EPS15L1: variants seen among roughly 807,000 people sequenced by gnomAD.
EPS15L1 encodes epidermal growth factor receptor substrate 15-like 1.
EPS15L1 carries 43 observed loss-of-function variants against 117.1 expected under a neutral mutation model. The ratio of observed to expected loss-of-function variants is 0.37; its 90% CI spans 0.29 to 0.47. The LOEUF (loss-of-function observed/expected upper bound fraction) is 0.47. Among genes scored for constraint, EPS15L1 ranks in the 20% least tolerant of loss-of-function variants. The probability of loss-of-function intolerance (pLI) is 0.99; values close to 1 mark genes in which losing one functional copy is unlikely to be tolerated. For missense variants in EPS15L1, 981 were observed against 1,164.0 expected, an observed-to-expected ratio of 0.84 and a Z score of 2.29; for synonymous variants, 459 against 470.5, an observed-to-expected ratio of 0.98 and a Z score of 0.32.
intron 22 of EPS15L1, among the ~76,000 whole-genome samples, chr19:16,372,297 G>A (rs1255975143): frequency 6.6e-6 from 1 of 152,098 alleles, no homozygotes; most frequent in Non-Finnish European, 1.5e-5. Flanking sequence ...CTGTCTGCCC[G>A]TGCACCCACA....
intron 1 of EPS15L1, among the ~76,000 whole-genome samples, chr19:16,466,714 G>T (rs1568475479): frequency 6.6e-6 from 1 of 151,988 alleles, no homozygotes; most frequent in Non-Finnish European, 1.5e-5. Context: ...ACCAGCCTAG[G>T]CAACATAGTG....
chr19:16,401,218 C>T, intron 16 of EPS15L1: 1 of 985,502 alleles, frequency 1.0e-6, no homozygotes, highest in Non-Finnish European at 1.2e-6. Flanking sequence ...GGGGGCCAGA[C>T]ACAAGAGACA....
intron 19 of EPS15L1, among the ~76,000 whole-genome samples, chr19:16,391,954 T>G (rs534388263): frequency 1.3e-5 from 2 of 151,924 alleles, no homozygotes; most frequent in Non-Finnish European, 2.9e-5. Context: ...TAGTCTTTTT[T>G]GGGAGATGAA....
intron 1 of EPS15L1, among the ~76,000 whole-genome samples, chr19:16,452,229 T>A (rs1386094194): frequency 6.6e-6 from 1 of 151,440 alleles, no homozygotes; most frequent in Admixed American, 6.6e-5. Context: ...GTAGATCACC[T>A]GAGGTCAGGA....
chr19:16,388,287 A>T (rs1401946598), intron 19 of EPS15L1, among the ~76,000 whole-genome samples: 2 of 152,066 alleles, frequency 1.3e-5, no homozygotes, highest in Non-Finnish European at 2.9e-5. Context: ...TGATCCGCCC[A>T]CCTCAGCCTC....
rs888348255 is a variant in EPS15L1 at position 16,448,551 on chromosome 19, G to C, written c.34-6332C>G. Among the ~76,000 whole-genome samples, 65 of 148,790 alleles carry C rather than the reference G, an allele frequency of 4.4e-4. 1 individual carries two copies. The highest frequency in any genetic ancestry group is 2.9e-3 in the Admixed American group (44 of 14,928). ...AAAATTCCGTATTAAAAAAAAAGGG[G>C]GGGGGAGAAAGGCCGGGCGCGGTGG... On this transcript the variant is annotated intron_variant, in intron 1 of 23. Transcript: ENST00000455140.
chr19:16,443,158 T>G (rs1288607423), intron 1 of EPS15L1, among the ~76,000 whole-genome samples: 1 of 152,154 alleles, frequency 6.6e-6, no homozygotes, highest in Non-Finnish European at 1.5e-5. Context: ...AAGTGAAGAA[T>G]GCACAATGAC....
rs141558471 is a variant in EPS15L1 at position 16,359,468 on chromosome 19, G to A, written c.2586+2311C>T. On this transcript the variant is annotated intron_variant, in intron 23 of 23. Transcript: ENST00000455140. The stretch of plus-strand genomic sequence containing the variant: ...ACAAACAAAAACAATTAAGGGTCCT[G>A]TCTTCACTCAACCCATCCCTTCAGA... 1.8e-4 allele frequency among the ~76,000 whole-genome samples: 27 copies of A among 152,302 alleles called. 1 individual carries two copies. The East Asian group carries it at 5.0e-3, about 28-fold the overall frequency.
rs1201829517 is a variant in EPS15L1, at chr19:16,385,339, C to A, written c.2165-128G>T. 6.6e-6 allele frequency: 5 copies of A among 759,562 alleles called. No homozygotes were observed. In the African/African-American group the frequency reaches 8.6e-5, roughly 13 times the overall value. 47.1% of individuals were successfully genotyped at this position (759,562 alleles called of 1,614,324 possible). A position where few individuals can be genotyped will look rare whatever the true frequency, so the allele number is the denominator to read the frequency against. On this transcript the variant is annotated intron_variant, in intron 20 of 23. Transcript: ENST00000455140. Reference sequence around the variant, plus strand: ...GAAGGCTGCATTTATTCATTAGACACGTGTGTCTGCATGAAGGCCTCTCAG... The same window carrying A: ...GAAGGCTGCATTTATTCATTAGACAAGTGTGTCTGCATGAAGGCCTCTCAG...
intron 13 of EPS15L1, chr19:16,413,421 G>C: frequency 1.4e-6 from 1 of 731,374 alleles, no homozygotes; most frequent in Non-Finnish European, 2.4e-6. Flanking sequence ...CACCTTTGAT[G>C]CCATCTCTAA....
At chr19:16,462,248 A>ATC (rs1415778903) in intron 1 of EPS15L1, among the ~76,000 whole-genome samples, 1 of 151,930 alleles carries the variant, frequency 6.6e-6, no homozygotes, top group African/African-American at 2.4e-5. Flanking sequence ...TGTGCCCCAA[A>ATC]TCTCTCCCCA....
chr19:16,441,028 G>A lies in EPS15L1; in HGVS notation c.166-119C>T, dbSNP rs1037716421. 4.1e-6 allele frequency: 4 copies of A among 968,810 alleles called. No individual in the cohort carries two copies. In the African/African-American group the frequency reaches 6.4e-5, roughly 16 times the overall value. The allele number at this position is 968,810 out of a possible 1,614,324, so 60.0% of individuals were successfully genotyped here. A position where few individuals can be genotyped will look rare whatever the true frequency, so the allele number is the denominator to read the frequency against. On this transcript the variant is annotated intron_variant, in intron 3 of 23. Coordinates refer to ENST00000455140, the MANE Select transcript of EPS15L1 (RefSeq NM_001258374.3). ...TGCGGGGCAGGAGTGACTGTCCCCA[G>A]GTTGTCCTGCAGATGAAGAAGCCAA... is the stretch of plus-strand genomic sequence containing the variant.
At chr19:16,379,723 A>G (rs752391253) in intron 21 of EPS15L1, among the ~76,000 whole-genome samples, 58 of 152,234 alleles carry the variant, frequency 3.8e-4, no homozygotes, top group Non-Finnish European at 7.2e-4. Flanking sequence ...CTAAGGCTCC[A>G]GCGTCTAGTC....
Position 16,404,930 on chromosome 19 carries a change from C to T in EPS15L1, c.1267-181G>A, listed in dbSNP as rs1315175146. 1.3e-5 allele frequency among the ~76,000 whole-genome samples: 2 copies of T among 152,204 alleles called. No homozygotes were observed. The highest frequency in any genetic ancestry group is 2.4e-5 in the African/African-American group (1 of 41,446). ...ATGTGTGCCTCTTGGGCTGGAGGCC[C>T]AGGGCCACTGTCTCACCAGCTCCCT... On this transcript the variant is annotated intron_variant, in intron 13 of 23. Transcript: ENST00000455140. This position sits in a 1 kb window ranked among gnomAD's most constrained non-coding sequence, Gnocchi z 4.2.
In EPS15L1 at chr19:16,405,915, C is replaced by G. The variant is rs1281651067; in HGVS notation, c.1267-1166G>C. On this transcript the variant is annotated intron_variant, in intron 13 of 23. Transcript: ENST00000455140. This position sits in a 1 kb window ranked among gnomAD's most constrained non-coding sequence, Gnocchi z 4.0. ...GGGCATTGTGACAAGCCTCCTCCCTCCAGCTGCCATGTGGAGCGTGGTGCA... is the reference window on the plus strand; with the variant it reads ...GGGCATTGTGACAAGCCTCCTCCCTGCAGCTGCCATGTGGAGCGTGGTGCA... 1.3e-5 allele frequency among the ~76,000 whole-genome samples: 2 copies of G among 152,252 alleles called. No individual in the cohort carries two copies. The highest frequency in any genetic ancestry group is 4.8e-5 in the African/African-American group (2 of 41,464).
chr19:16,401,624 A>C, intron 16 of EPS15L1: 2 of 985,432 alleles, frequency 2.0e-6, no homozygotes, highest in Non-Finnish European at 2.4e-6. Context: ...TCTGGTGTGA[A>C]CAGGGGGGAT....
intron 4 of EPS15L1, chr19:16,440,653 T>A (rs528246150): frequency 2.6e-6 from 1 of 385,884 alleles, no homozygotes; most frequent in South Asian, 7.5e-5. Context: ...AATAAATAAA[T>A]AAATAAAAGA....
intron 22 of EPS15L1, among the ~76,000 whole-genome samples, chr19:16,374,970 G>A (rs1232677075): frequency 6.6e-6 from 1 of 152,224 alleles, no homozygotes; most frequent in Non-Finnish European, 1.5e-5. Flanking sequence ...ATGTCTCAAT[G>A]AATGCATGCA....
At position 16,418,002 on chromosome 19, in the gene EPS15L1, A is replaced by C; in HGVS notation, c.1053T>G (p.Pro351=). 1.2e-6 allele frequency: 2 copies of C among 1,614,188 alleles called. No individual in the cohort carries two copies. The highest frequency in any genetic ancestry group is 1.7e-6 in the Non-Finnish European group (2 of 1,180,018). ...GGACCATGTCCGGCGAGAGGACTTGAGGAGGGTCGATGCCTTTACTGACCT... is the reference window on the plus strand; with the variant it reads ...GGACCATGTCCGGCGAGAGGACTTGCGGAGGGTCGATGCCTTTACTGACCT... The part of the protein sequence containing the change: ...QQKVSKGIDP[P]QVLSPDMVPP... The change falls in exon 11 of 24, where the codon CCT becomes CCG. Residue 351 remains proline, a synonymous_variant. Coordinates refer to ENST00000455140, the MANE Select transcript of EPS15L1 (RefSeq NM_001258374.3).
Sources: allele counts gnomAD v4.1 joint callset (sites outside exome capture counted in the v4.1 genomes callset), GRCh38; gene constraint gnomAD v4.1.1; non-coding constraint Gnocchi (gnomAD v3.1); transcripts MANE v1.5; gene names NCBI Gene and HGNC (gene_info 2026-07-23, HGNC 2026-07-21).